SEZ6L: variants seen among roughly 807,000 people sequenced by gnomAD.
SEZ6L encodes the protein seizure 6-like protein.
Under a neutral mutation model 106.2 loss-of-function variants are expected in SEZ6L, and 37 were observed. The observed-to-expected ratio is 0.35, with a 90% CI of 0.27 to 0.46. The LOEUF is 0.46. Among genes scored for constraint, SEZ6L ranks in the 20% least tolerant of loss-of-function variants. SEZ6L has a pLI of 1.00. For missense variants in SEZ6L, 1,172 were observed against 1,332.8 expected, an observed-to-expected ratio of 0.88 and a Z score of 1.88; for synonymous variants, 541 against 570.4, an observed-to-expected ratio of 0.95 and a Z score of 0.73.
In SEZ6L at chr22:26,347,706, T is replaced by C; in HGVS notation, c.2213-13T>C. 6.3e-7 allele frequency: 1 copy of C among 1,590,556 alleles called. No individual in the cohort carries two copies. Among genetic ancestry groups the C allele is most frequent in the Non-Finnish European group, 8.5e-7 (1 of 1,172,026 alleles). On this transcript the variant is annotated splice_polypyrimidine_tract_variant and intron_variant, in intron 10 of 16. Transcript: ENST00000248933. ...TGCTTCCCCCATCTAAGACTGACGT[T>C]TCTCTTTTAAAGAGGTATCAAGGAA... is the stretch of plus-strand genomic sequence containing the variant.
At chr22:26,308,899 C>G (rs1277975105) in intron 6 of SEZ6L, among the ~76,000 whole-genome samples, 1 of 152,172 alleles carries the variant, frequency 6.6e-6, no homozygotes, top group Non-Finnish European at 1.5e-5. Flanking sequence ...GGTGTCCCAA[C>G]ACACAGCCCC....
chr22:26,259,429 G>C (rs2079927635), intron 1 of SEZ6L, among the ~76,000 whole-genome samples: 1 of 152,192 alleles, frequency 6.6e-6, no homozygotes, highest in Admixed American at 6.5e-5. Context: ...CAGCTGGAAG[G>C]CTACTCTGCT....
chr22:26,363,464 T>C (rs1342945202), intron 12 of SEZ6L, among the ~76,000 whole-genome samples: 1 of 152,220 alleles, frequency 6.6e-6, no homozygotes, highest in Non-Finnish European at 1.5e-5. Context: ...ATGCTTCCTG[T>C]GAACCAGGCA....
intron 9 of SEZ6L, among the ~76,000 whole-genome samples, chr22:26,326,867 G>T (rs1180785874): frequency 2.0e-5 from 3 of 152,238 alleles, no homozygotes; most frequent in Non-Finnish European, 4.4e-5. Flanking sequence ...GCCTGGGGAA[G>T]CCCCTGCAAA....
chr22:26,319,482 T>C (rs1179365312), intron 9 of SEZ6L, among the ~76,000 whole-genome samples: 1 of 152,220 alleles, frequency 6.6e-6, no homozygotes, highest in Non-Finnish European at 1.5e-5. Flanking sequence ...AGCATCGCTT[T>C]ATTCCTCTCT....
chr22:26,214,285 G>A (rs766161045), intron 1 of SEZ6L, among the ~76,000 whole-genome samples: 20 of 152,342 alleles, frequency 1.3e-4, no homozygotes, highest in East Asian at 1.9e-4. Context: ...TCTGAGAAAC[G>A]GAAGCAGTGA....
At chr22:26,196,390 G>A (rs1176611594) in intron 1 of SEZ6L, among the ~76,000 whole-genome samples, 5 of 152,174 alleles carry the variant, frequency 3.3e-5, no homozygotes, top group African/African-American at 1.2e-4. Context: ...TTTTTGTATA[G>A]CAGTGCAAGA....
At chr22:26,372,153 C>A (rs903441918) in intron 13 of SEZ6L, among the ~76,000 whole-genome samples, 7 of 152,092 alleles carry the variant, frequency 4.6e-5, no homozygotes, top group African/African-American at 9.7e-5. Flanking sequence ...GCCAGTGAGC[C>A]CACTGGATGC....
chr22:26,366,418 G>A (rs939726465), intron 13 of SEZ6L, among the ~76,000 whole-genome samples: 2 of 152,092 alleles, frequency 1.3e-5, no homozygotes, highest in Non-Finnish European at 2.9e-5. Context: ...AGCAGCCCAG[G>A]TGCAGTGGCT....
intron 1 of SEZ6L, among the ~76,000 whole-genome samples, chr22:26,273,773 G>A (rs2080448022): frequency 6.6e-6 from 1 of 152,210 alleles, no homozygotes; most frequent in African/African-American, 2.4e-5. Context: ...TGGGAGCTGG[G>A]CTGCCGTGGG....
chr22:26,383,504 T>G lies in SEZ6L; in HGVS notation c.*3209T>G, dbSNP rs186236660. 6.6e-6 allele frequency: 1 copy of G among 152,238 alleles called. No homozygotes were observed. Among genetic ancestry groups the G allele is most frequent in the Non-Finnish European group, 1.5e-5 (1 of 67,986 alleles). 9.4% of individuals were successfully genotyped at this position (152,238 alleles called of 1,614,324 possible). The stretch of plus-strand genomic sequence containing the variant: ...ATTTCCATTTTATCGCCAAACAAAA[T>G]AAAAAGCAAAACAAACTTTCTAAGC... On this transcript the variant is annotated 3_prime_UTR_variant, in exon 17 of 17. Coordinates refer to ENST00000248933, the MANE Select transcript of SEZ6L (RefSeq NM_021115.5).
intron 9 of SEZ6L, among the ~76,000 whole-genome samples, chr22:26,335,088 G>A (rs775994411): frequency 5.3e-5 from 8 of 152,166 alleles, no homozygotes; most frequent in Non-Finnish European, 8.8e-5. Context: ...ACAAAGGTCC[G>A]ATTCCAGGGA....
chr22:26,352,747 A>G (rs961238977), intron 12 of SEZ6L, among the ~76,000 whole-genome samples: 6 of 152,234 alleles, frequency 3.9e-5, no homozygotes, highest in African/African-American at 1.2e-4. Flanking sequence ...TGGCGCATGC[A>G]TTAACTCTTT....
Position 26,304,363 on chromosome 22 carries a change from AAGAAAGAAGAAAGAAAGAAAGAAAGAAAG to A in SEZ6L, c.1349-1614_1349-1586del, listed in dbSNP as rs1437596695. The stretch of plus-strand genomic sequence containing the variant: ...CAAGAGTTTGTCTCAAAAAAAAAAA[AAGAAAGAAGAAAGAAAGAAAGAAAGAAAG>A]AAAGAAAGAAAGAAAGAAAGAAAGA... On this transcript the variant is annotated intron_variant, in intron 5 of 16. Coordinates refer to ENST00000248933, the MANE Select transcript of SEZ6L (RefSeq NM_021115.5). Among the ~76,000 whole-genome samples the A allele has an allele frequency of 3.2e-3, 295 of 91,066 alleles. 9 individuals carry two copies. The highest frequency in any genetic ancestry group is 9.3e-3 in the African/African-American group (185 of 19,848). 59.7% of individuals were successfully genotyped at this position (91,066 alleles called of 152,430 possible).
At position 26,343,954 on chromosome 22, in the gene SEZ6L, A is replaced by G. The variant is rs191446899; in HGVS notation, c.2212+3322A>G. 6.4e-4 allele frequency among the ~76,000 whole-genome samples: 98 copies of G among 152,340 alleles called. 2 individuals carry two copies. The highest frequency in any genetic ancestry group is 4.3e-4 in the Non-Finnish European group (29 of 68,030). ...TCATGCCTAAAGTCTATGGCAAAGA[A>G]TGCCATGATTGATTAGTGATGCCTG... On this transcript the variant is annotated intron_variant, in intron 10 of 16. Coordinates refer to ENST00000248933, the MANE Select transcript of SEZ6L (RefSeq NM_021115.5).
At position 26,375,556 on chromosome 22, in the gene SEZ6L, C is replaced by T; in HGVS notation, c.2828-19C>T. On this transcript the variant is annotated intron_variant, in intron 14 of 16. Coordinates refer to ENST00000248933, the MANE Select transcript of SEZ6L (RefSeq NM_021115.5). Reference sequence around the variant, plus strand: ...TCAGCTACCTGGGAAATGAGGACCTCACTGGCTCCTGTGTTCAGTAGCAGA... The same window carrying T: ...TCAGCTACCTGGGAAATGAGGACCTTACTGGCTCCTGTGTTCAGTAGCAGA... The T allele has an allele frequency of 1.2e-6, 2 of 1,604,154 alleles. No homozygotes were observed. The highest frequency in any genetic ancestry group is 1.7e-6 in the Non-Finnish European group (2 of 1,171,132).
chr22:26,306,211 T>C, intron 6 of SEZ6L, 67 bp downstream of exon 6: 2 of 1,549,602 alleles, frequency 1.3e-6, no homozygotes, highest in Non-Finnish European at 1.7e-6. Context: ...GCTTGAGGAC[T>C]TGGAGTCTTG....
At chr22:26,295,891 T>C (rs2081286871) in intron 3 of SEZ6L, among the ~76,000 whole-genome samples, 1 of 152,146 alleles carries the variant, frequency 6.6e-6, no homozygotes, top group Non-Finnish European at 1.5e-5. Context: ...GCAAACTCCT[T>C]GGCAATCAGG....
At chr22:26,339,339 A>T (rs902903273) in intron 9 of SEZ6L, among the ~76,000 whole-genome samples, 40 of 152,232 alleles carry the variant, frequency 2.6e-4, no homozygotes, top group Non-Finnish European at 1.5e-5. Flanking sequence ...AGAAGAAAGG[A>T]AAGAAAGAAA....
Sources: gnomAD v4.1 joint callset for allele counts (sites outside exome capture counted in the v4.1 genomes callset) on GRCh38, gnomAD v4.1.1 for gene constraint, MANE v1.5 for transcripts, NCBI Gene and HGNC (gene_info 2026-07-23, HGNC 2026-07-21) for gene names.